The following APBA1 variants were observed in gnomAD, a reference collection of about 807,000 sequenced individuals.
The protein encoded by APBA1 is amyloid-beta A4 precursor protein-binding family A member 1.
In APBA1, 55 loss-of-function variants were observed where a neutral mutation model predicts 86.6. The observed-to-expected ratio is 0.64, with a 90% CI of 0.51 to 0.80. APBA1 has a LOEUF of 0.80. Among genes scored for constraint, APBA1 ranks in the 30% least tolerant of loss-of-function variants. APBA1 has a pLI of 0.00. For synonymous variants in APBA1, 511 were observed against 493.9 expected, an observed-to-expected ratio of 1.03 and a Z score of -0.46; for missense variants, 1,090 against 1,183.0, an observed-to-expected ratio of 0.92 and a Z score of 1.15.
Position 69,516,101 on chromosome 9 carries a change from G to A in APBA1, c.1110C>T (p.Thr370=). Residue 370 remains threonine (T), a synonymous_variant, in exon 2 of 13, where the codon ACC becomes ACT. Transcript: ENST00000265381. The surrounding 1 kb of genome is among the most constrained non-coding windows in gnomAD (Gnocchi z 7.3). The part of the protein sequence containing the change: ...VKTRTIRSPY[T]PDEPKEPIWV... ...AGATGGGCTCTTTGGGCTCGTCGGGGGTGTAAGGCGAACGGATGGTCCTGG... is the reference window on the plus strand; with the variant it reads ...AGATGGGCTCTTTGGGCTCGTCGGGAGTGTAAGGCGAACGGATGGTCCTGG... 6.2e-7 allele frequency: 1 copy of A among 1,613,486 alleles called. No individual in the cohort carries two copies. Among genetic ancestry groups the A allele is most frequent in the Non-Finnish European group, 8.5e-7 (1 of 1,179,684 alleles).
Position 69,575,305 on chromosome 9 carries a change from C to T in APBA1, c.-69-58026G>A, listed in dbSNP as rs554939128. Among the ~76,000 whole-genome samples, 6 of 152,140 alleles carry T rather than the reference C, an allele frequency of 3.9e-5. No individual in the cohort carries two copies. In the East Asian group the frequency reaches 1.2e-3, roughly 29 times the overall value. ...CCCAAGGTAATTTATAGATTCAATG[C>T]CATCCCCATCAAGCTACCAATGACT... On this transcript the variant is annotated intron_variant, in intron 1 of 12. Transcript: ENST00000265381.
intron 10 of APBA1, among the ~76,000 whole-genome samples, chr9:69,444,001 G>A (rs1834867486): frequency 6.6e-6 from 1 of 151,864 alleles, no homozygotes; most frequent in Admixed American, 6.6e-5. Context: ...CCCACCCCCT[G>A]GCTTCCCCAC....
At chr9:69,628,061 A>G (rs1402422599) in intron 1 of APBA1, among the ~76,000 whole-genome samples, 1 of 152,160 alleles carries the variant, frequency 6.6e-6, no homozygotes, top group Non-Finnish European at 1.5e-5. Flanking sequence ...TAACTACCAT[A>G]TAAGACATGG....
intron 1 of APBA1, among the ~76,000 whole-genome samples, chr9:69,653,692 G>A (rs1436405194): frequency 6.6e-6 from 1 of 152,126 alleles, no homozygotes. Flanking sequence ...TAAACAACAT[G>A]CTACTGAATA....
intron 1 of APBA1, among the ~76,000 whole-genome samples, chr9:69,611,188 T>C (rs1456435504): frequency 2.7e-5 from 4 of 148,336 alleles, no homozygotes; most frequent in African/African-American, 9.9e-5. Flanking sequence ...TAGACTTTCA[T>C]ATCAAACAGG....
At chr9:69,556,577 C>T (rs958234205) in intron 1 of APBA1, among the ~76,000 whole-genome samples, 9 of 152,188 alleles carry the variant, frequency 5.9e-5, no homozygotes, top group South Asian at 2.1e-4. Flanking sequence ...TAGAAAAACA[C>T]GAGCCTCTGC....
intron 1 of APBA1, among the ~76,000 whole-genome samples, chr9:69,529,969 T>C (rs1836399469): frequency 6.6e-6 from 1 of 151,870 alleles, no homozygotes; most frequent in South Asian, 2.1e-4. Flanking sequence ...CATCATCTTA[T>C]ACCAATCAGA....
intron 5 of APBA1, 109 bp from the exon 6 acceptor site, chr9:69,458,297 G>T: frequency 1.1e-6 from 1 of 925,952 alleles, no homozygotes; most frequent in Non-Finnish European, 1.6e-6. Context: ...GGCATAAAGC[G>T]TTTCTGTGGG....
At chr9:69,453,581 C>G (rs370880176) in intron 8 of APBA1, among the ~76,000 whole-genome samples, 4 of 152,226 alleles carry the variant, frequency 2.6e-5, no homozygotes. Context: ...ATCTGCATAT[C>G]GATTCTATGA....
intron 1 of APBA1, among the ~76,000 whole-genome samples, chr9:69,595,727 G>C (rs192105954): frequency 2.7e-4 from 41 of 152,302 alleles, no homozygotes; most frequent in Non-Finnish European, 4.7e-4. Flanking sequence ...GTAAACGATA[G>C]TAGCAGGATG....
At chr9:69,628,757 C>G (rs1246993769) in intron 1 of APBA1, among the ~76,000 whole-genome samples, 3 of 152,124 alleles carry the variant, frequency 2.0e-5, no homozygotes, top group African/African-American at 7.2e-5. Flanking sequence ...ACTTAAAATT[C>G]CTAGGAGTGC....
chr9:69,533,049 G>A (rs1836456854), intron 1 of APBA1, among the ~76,000 whole-genome samples: 1 of 152,194 alleles, frequency 6.6e-6, no homozygotes, highest in Admixed American at 6.5e-5. Context: ...AATAAATTAT[G>A]TTGTGTCCTT....
At chr9:69,658,249 TTTC>T (rs1823658517) in intron 1 of APBA1, among the ~76,000 whole-genome samples, 1 of 22,140 alleles carries the variant, frequency 4.5e-5, no homozygotes, top group Non-Finnish European at 2.3e-4. Flanking sequence ...TCTTTCTTTC[TTTC>T]TTTCTTTCTT....
chr9:69,439,518 T>C (rs1834768843), intron 11 of APBA1, among the ~76,000 whole-genome samples: 1 of 152,314 alleles, frequency 6.6e-6, no homozygotes, highest in South Asian at 2.1e-4. Context: ...ATCCTCTTTA[T>C]GCTTCATTTC....
chr9:69,483,385 C>T (rs974974302), intron 2 of APBA1, among the ~76,000 whole-genome samples: 1 of 151,932 alleles, frequency 6.6e-6, no homozygotes, highest in Non-Finnish European at 1.5e-5. Flanking sequence ...TCGGGACCAG[C>T]CCCCTTGGGG....
intron 3 of APBA1, among the ~76,000 whole-genome samples, chr9:69,474,504 G>GT (rs1835411860): frequency 6.6e-6 from 1 of 152,210 alleles, no homozygotes; most frequent in African/African-American, 2.4e-5. Context: ...AAACGATAGT[G>GT]CTCATGACTG....
chr9:69,636,914 GGAAGGAAGGAAAGAAAGAAAGAAA>G (rs1779038509), intron 1 of APBA1, among the ~76,000 whole-genome samples: 2 of 98,714 alleles, frequency 2.0e-5, no homozygotes, highest in African/African-American at 7.9e-5. Flanking sequence ...AAGGAAGGAA[GGAAGGAAGGAAAGAAAGAAAGAAA>G]GAAAGAAAGA....
At chr9:69,658,272 C>CTTTTTCTT (rs1491183538) in intron 1 of APBA1, among the ~76,000 whole-genome samples, 2 of 85,570 alleles carry the variant, frequency 2.3e-5, no homozygotes, top group East Asian at 3.4e-4. Flanking sequence ...TTCTTTCTTT[C>CTTTTTCTT]TTTCTTTCTT....
At chr9:69,608,338 T>C (rs897829816) in intron 1 of APBA1, among the ~76,000 whole-genome samples, 8 of 152,202 alleles carry the variant, frequency 5.3e-5, no homozygotes, top group Admixed American at 5.2e-4. Flanking sequence ...TCTTAATCCA[T>C]CTGGTTTACT....
Sources: allele counts gnomAD v4.1 joint callset (sites outside exome capture counted in the v4.1 genomes callset), GRCh38; gene constraint gnomAD v4.1.1; non-coding constraint Gnocchi (gnomAD v3.1); transcripts MANE v1.5; gene names NCBI Gene and HGNC (gene_info 2026-07-23, HGNC 2026-07-21).